The following RANBP17 variants were observed in gnomAD, a reference collection of about 807,000 sequenced individuals.
RANBP17 encodes the protein RAN binding protein 17.
Under a neutral mutation model 141.2 loss-of-function variants are expected in RANBP17, and 158 were observed. The ratio of observed to expected loss-of-function variants is 1.12; its 90% CI spans 0.98 to 1.28. The LOEUF (loss-of-function observed/expected upper bound fraction) is 1.28. RANBP17 is among the 50% of genes most tolerant of loss of function. The pLI, the probability that RANBP17 is intolerant of heterozygous loss-of-function variation, is 0.00. For missense variants in RANBP17, 1,438 were observed against 1,290.7 expected (o/e 1.11, Z -1.75); for synonymous variants, 430 against 450.0 (o/e 0.96, Z 0.56).
intron 14 of RANBP17, among the ~76,000 whole-genome samples, chr5:171,066,880 T>A (rs2127685584): frequency 6.6e-6 from 1 of 152,286 alleles, no homozygotes; most frequent in South Asian, 2.1e-4. Flanking sequence ...TGACAACAAA[T>A]GCTAATGGAA....
At chr5:171,090,255 T>C (rs1786140046) in intron 14 of RANBP17, among the ~76,000 whole-genome samples, 1 of 152,172 alleles carries the variant, frequency 6.6e-6, no homozygotes, top group African/African-American at 2.4e-5. Flanking sequence ...GATGAGGAAC[T>C]TGTTGGGAAC....
intron 14 of RANBP17, among the ~76,000 whole-genome samples, chr5:171,134,827 C>T (rs1278782297): frequency 6.6e-6 from 1 of 151,178 alleles, no homozygotes; most frequent in Non-Finnish European, 1.5e-5. Flanking sequence ...GAGGCTGAGG[C>T]TGGAGAACCA....
At chr5:171,175,829 T>G (rs570709588) in intron 16 of RANBP17, among the ~76,000 whole-genome samples, 265 of 152,220 alleles carry the variant, frequency 1.7e-3, no homozygotes, top group Middle Eastern at 6.8e-3. Flanking sequence ...TTATGGATAC[T>G]GTTAACCGCA....
intron 14 of RANBP17, among the ~76,000 whole-genome samples, chr5:170,997,792 TAAG>T (rs1410657103): frequency 6.6e-6 from 1 of 152,122 alleles, no homozygotes; most frequent in Non-Finnish European, 1.5e-5. Context: ...AATAATATAA[TAAG>T]ATCTCAACTG....
chr5:171,265,579 C>A, intron 24 of RANBP17, 102 bp from the exon 25 acceptor site: 1 of 1,138,102 alleles, frequency 8.8e-7, no homozygotes, highest in African/African-American at 1.6e-5. Context: ...GATAAAAGCA[C>A]TTTGAAACCA....
intron 14 of RANBP17, among the ~76,000 whole-genome samples, chr5:171,097,402 C>T (rs1786770877): frequency 6.6e-6 from 1 of 152,032 alleles, no homozygotes; most frequent in East Asian, 1.9e-4. Flanking sequence ...CTCCTTGGAG[C>T]ACAGCTTTGG....
intron 3 of RANBP17, among the ~76,000 whole-genome samples, chr5:170,883,379 A>G (rs528369210): frequency 1.3e-5 from 2 of 152,278 alleles, no homozygotes; most frequent in East Asian, 3.9e-4. Flanking sequence ...ACAGCTTCCC[A>G]TCTATCAACA....
chr5:171,061,775 C>G (rs1783880757), intron 14 of RANBP17, among the ~76,000 whole-genome samples: 1 of 152,052 alleles, frequency 6.6e-6, no homozygotes, highest in East Asian at 1.9e-4. Context: ...TTAAAATCTC[C>G]CATTATTAAT....
intron 4 of RANBP17, among the ~76,000 whole-genome samples, chr5:170,894,486 T>TTTTATA (rs1769937329): frequency 1.5e-5 from 2 of 133,316 alleles, no homozygotes; most frequent in Admixed American, 1.5e-4. Context: ...TACGTGTTTT[T>TTTTATA]TATATATATA....
At position 171,117,773 on chromosome 5, in the gene RANBP17, G is replaced by A. The variant is rs149136716; in HGVS notation, c.1711-52357G>A. Among the ~76,000 whole-genome samples the A allele has an allele frequency of 2.9e-3, 443 of 152,170 alleles. 4 individuals are homozygous for A. Among genetic ancestry groups the A allele is most frequent in the African/African-American group, 9.8e-3 (408 of 41,526 alleles). ...CTCCCAGAGTGCTGGGATTACAGAC[G>A]TGAGCCACTGCACCTGGCCTCTTTG... is the stretch of plus-strand genomic sequence containing the variant. On this transcript the variant is annotated intron_variant, in intron 14 of 27. Transcript: ENST00000523189.
chr5:171,210,704 G>A (rs1046165312), intron 20 of RANBP17, among the ~76,000 whole-genome samples: 1 of 152,076 alleles, frequency 6.6e-6, no homozygotes, highest in African/African-American at 2.4e-5. Flanking sequence ...TGTTCCCCAA[G>A]ATTAAAAGCT....
intron 14 of RANBP17, among the ~76,000 whole-genome samples, chr5:171,113,149 G>A (rs1755368374): frequency 6.6e-6 from 1 of 152,168 alleles, no homozygotes; most frequent in Admixed American, 6.5e-5. Context: ...ATCTGAAGAT[G>A]TATCACTAAA....
chr5:171,107,249 G>A (rs1249628911), intron 14 of RANBP17, among the ~76,000 whole-genome samples: 1 of 152,110 alleles, frequency 6.6e-6, no homozygotes, highest in Non-Finnish European at 1.5e-5. Flanking sequence ...TTATTACACT[G>A]CTCTTCTTCT....
At chr5:170,869,793 G>T (rs1351597836) in intron 1 of RANBP17, among the ~76,000 whole-genome samples, 1 of 152,046 alleles carries the variant, frequency 6.6e-6, no homozygotes, top group Non-Finnish European at 1.5e-5. Context: ...TCCAAATAAG[G>T]TCACATTTAT....
At chr5:171,114,260 A>G (rs1048196752) in intron 14 of RANBP17, among the ~76,000 whole-genome samples, 7 of 152,192 alleles carry the variant, frequency 4.6e-5, no homozygotes, top group Middle Eastern at 3.4e-3. Flanking sequence ...TTCTTTTGGC[A>G]TACATTTTGT....
intron 14 of RANBP17, among the ~76,000 whole-genome samples, chr5:171,061,781 T>G (rs1348296041): frequency 6.6e-6 from 1 of 152,194 alleles, no homozygotes; most frequent in Admixed American, 6.5e-5. Context: ...TCTCCCATTA[T>G]TAATGTGTGG....
chr5:170,998,410 A>G (rs751740247), intron 14 of RANBP17, among the ~76,000 whole-genome samples: 14 of 152,128 alleles, frequency 9.2e-5, no homozygotes, highest in Admixed American at 7.2e-4. Context: ...TTAAAAATTT[A>G]TTTCATTCTG....
intron 1 of RANBP17, among the ~76,000 whole-genome samples, chr5:170,876,652 G>C (rs1363020820): frequency 6.6e-6 from 1 of 152,028 alleles, no homozygotes; most frequent in African/African-American, 2.4e-5. Context: ...TGTAGTTAGG[G>C]AAATGGAAAA....
chr5:171,287,233 G>GGGC (rs1561831020), intron 25 of RANBP17, among the ~76,000 whole-genome samples: 2 of 152,210 alleles, frequency 1.3e-5, no homozygotes. Flanking sequence ...GCTCACGCCT[G>GGGC]TAATCCCAGC....
Sources: gnomAD v4.1 joint callset for allele counts (sites outside exome capture counted in the v4.1 genomes callset) on GRCh38, gnomAD v4.1.1 for gene constraint, MANE v1.5 for transcripts, NCBI Gene and HGNC (gene_info 2026-07-23, HGNC 2026-07-21) for gene names.